The following ZPLD1 variants were observed in gnomAD, a reference collection of about 807,000 sequenced individuals.
ZPLD1 encodes the protein zona pellucida like domain containing 1.
In ZPLD1, 34 loss-of-function variants were observed where a neutral mutation model predicts 47.2. The ratio of observed to expected loss-of-function variants is 0.72; its 90% confidence interval spans 0.55 to 0.96. ZPLD1 has a LOEUF of 0.96. Among genes scored for constraint, ZPLD1 ranks in the 40% least tolerant of loss-of-function variants. The pLI is 0.00. For synonymous variants in ZPLD1, 176 were observed against 186.2 expected (o/e 0.95, Z 0.45); for missense variants, 512 against 505.8 (o/e 1.01, Z -0.12).
intron 8 of ZPLD1, among the ~76,000 whole-genome samples, chr3:102,465,815 T>A (rs1707583160): frequency 6.6e-6 from 1 of 152,154 alleles, no homozygotes; most frequent in South Asian, 2.1e-4. Context: ...TAAATGCTAG[T>A]GTTGGTGAAA....
intron 6 of ZPLD1, among the ~76,000 whole-genome samples, chr3:102,387,459 A>T (rs1706436182): frequency 6.6e-6 from 1 of 152,098 alleles, no homozygotes; most frequent in African/African-American, 2.4e-5. Flanking sequence ...AAAAAAATTT[A>T]TATTAGGTAT....
intron 8 of ZPLD1, among the ~76,000 whole-genome samples, chr3:102,428,814 G>T (rs1014157982): frequency 2.6e-5 from 4 of 151,048 alleles, no homozygotes; most frequent in Non-Finnish European, 5.9e-5. Context: ...AGTTTCCATT[G>T]TTTACTTGTT....
At chr3:102,463,340 G>A (rs1481121811) in intron 7 of ZPLD1, among the ~76,000 whole-genome samples, 1 of 152,096 alleles carries the variant, frequency 6.6e-6, no homozygotes, top group East Asian at 1.9e-4. Flanking sequence ...GTTGTATTTG[G>A]TATTATAACA....
chr3:102,394,022 C>T (rs1446986868), intron 7 of ZPLD1, among the ~76,000 whole-genome samples: 1 of 152,078 alleles, frequency 6.6e-6, no homozygotes, highest in Non-Finnish European at 1.5e-5. Context: ...AAACAAGTAA[C>T]AACCTTTCAA....
intron 8 of ZPLD1, among the ~76,000 whole-genome samples, chr3:102,423,583 C>G (rs1405445987): frequency 6.6e-6 from 1 of 152,048 alleles, no homozygotes; most frequent in East Asian, 1.9e-4. Flanking sequence ...AATTTACCTT[C>G]TAATTTCCAT....
At chr3:102,399,166 C>T (rs1187405424) in intron 7 of ZPLD1, among the ~76,000 whole-genome samples, 4 of 152,128 alleles carry the variant, frequency 2.6e-5, no homozygotes, top group East Asian at 3.9e-4. Context: ...CTTGTATCCC[C>T]ACCCTGCTGT....
At chr3:102,421,158 A>G (rs1706873233) in intron 8 of ZPLD1, among the ~76,000 whole-genome samples, 1 of 151,948 alleles carries the variant, frequency 6.6e-6, no homozygotes, top group South Asian at 2.1e-4. Context: ...ATTAGAATTT[A>G]AAGTATTATA....
At chr3:102,466,842 C>A (rs887797110) in intron 8 of ZPLD1, among the ~76,000 whole-genome samples, 1 of 151,480 alleles carries the variant, frequency 6.6e-6, no homozygotes, top group Non-Finnish European at 1.5e-5. Context: ...AAAGGGAATT[C>A]GATATATGTA....
At position 102,416,972 on chromosome 3, in the gene ZPLD1, T is replaced by C. The variant is rs528090205; in HGVS notation, c.-156-1088T>C. The stretch of plus-strand genomic sequence containing the variant: ...TTTAGTGGTTACATTAGATTTAAAA[T>C]CACTTACCATTTAGGGAAAGAGTTT... On this transcript the variant is annotated intron_variant, in intron 7 of 17. Transcript: ENST00000491959. Among the ~76,000 whole-genome samples the C allele has an allele frequency of 2.0e-5, 3 of 151,988 alleles. No homozygotes were observed. In the East Asian group the frequency reaches 5.8e-4, roughly 30 times the overall value.
chr3:102,438,619 T>C, intron 3 of ZPLD1, 26 bp downstream of exon 3: 1 of 1,542,508 alleles, frequency 6.5e-7, no homozygotes, highest in Middle Eastern at 1.7e-4. Context: ...ATCTATTCTC[T>C]AGTTGTTTCT....
chr3:102,419,264 A>G (rs1322465126), intron 8 of ZPLD1, among the ~76,000 whole-genome samples: 2 of 151,958 alleles, frequency 1.3e-5, no homozygotes, highest in African/African-American at 4.8e-5. Context: ...CATGTGACAC[A>G]TTTCAGAACT....
chr3:102,436,329 C>G (rs537500551), intron 1 of ZPLD1, among the ~76,000 whole-genome samples: 1 of 152,230 alleles, frequency 6.6e-6, no homozygotes, highest in Non-Finnish European at 1.5e-5. Flanking sequence ...ACAATTCTCT[C>G]TGTCTCTTTT....
At chr3:102,393,358 G>A (rs1033291390) in intron 7 of ZPLD1, among the ~76,000 whole-genome samples, 10 of 152,140 alleles carry the variant, frequency 6.6e-5, no homozygotes, top group African/African-American at 9.6e-5. Flanking sequence ...TTCTCAAGTC[G>A]TTCTTCCATT....
chr3:102,456,102 T>C, intron 4 of ZPLD1, 91 bp from the exon 5 acceptor site: 2 of 1,059,832 alleles, frequency 1.9e-6, no homozygotes, highest in Non-Finnish European at 1.3e-6. Context: ...GACTCTAGAA[T>C]AGATTTTGCT....
At chr3:102,437,515 C>T (rs1707108141) in intron 2 of ZPLD1, among the ~76,000 whole-genome samples, 1 of 152,152 alleles carries the variant, frequency 6.6e-6, no homozygotes, top group African/African-American at 2.4e-5. Context: ...TTTGAGTAAA[C>T]CACTTGCAAT....
At chr3:102,414,751 G>A (rs1160008834) in intron 7 of ZPLD1, among the ~76,000 whole-genome samples, 1 of 150,872 alleles carries the variant, frequency 6.6e-6, no homozygotes, top group Non-Finnish European at 1.5e-5. Flanking sequence ...ATATATAAGG[G>A]GAATTATTTG....
upstream of ZPLD1, among the ~76,000 whole-genome samples, chr3:102,434,630 C>T (rs1238639691): frequency 6.6e-6 from 1 of 152,130 alleles, no homozygotes; most frequent in Non-Finnish European, 1.5e-5. Context: ...ACATACAAAA[C>T]TCTTTTGCAC....
intron 8 of ZPLD1, among the ~76,000 whole-genome samples, 168 bp downstream of exon 8, chr3:102,464,419 A>G (rs1156774525): frequency 2.6e-5 from 4 of 152,236 alleles, no homozygotes; most frequent in African/African-American, 9.6e-5. Flanking sequence ...ATAAAATTTG[A>G]GAGCAGTTAT....
chr3:102,401,200 A>G (rs541265860), intron 7 of ZPLD1, among the ~76,000 whole-genome samples: 1 of 152,190 alleles, frequency 6.6e-6, no homozygotes, highest in African/African-American at 2.4e-5. Context: ...CCTGCTCTAT[A>G]ATGAGCTATG....
Sources: gnomAD v4.1 joint callset for allele counts (sites outside exome capture counted in the v4.1 genomes callset) on GRCh38, gnomAD v4.1.1 for gene constraint, MANE v1.5 for transcripts, NCBI Gene and HGNC (gene_info 2026-07-23, HGNC 2026-07-21) for gene names.